The following USP9X variants were observed in gnomAD, a reference collection of about 807,000 sequenced individuals.
The protein encoded by USP9X is ubiquitin carboxyl-terminal hydrolase 9X.
A neutral mutation model predicts 190.3 loss-of-function variants in USP9X; 7 were observed. The observed-to-expected ratio is 0.04, with a 90% confidence interval of 0.02 to 0.07. The LOEUF is 0.07. Among genes scored for constraint, USP9X ranks in the 10% least tolerant of loss-of-function variants. The probability of loss-of-function intolerance (pLI) is 1.00; values close to 1 mark genes in which losing one functional copy is unlikely to be tolerated. For synonymous variants in USP9X, 645 were observed against 659.5 expected (o/e 0.98, Z 0.34); for missense variants, 1,010 against 1,916.9 (o/e 0.53, Z 8.83).
intron 32 of USP9X, among the ~76,000 whole-genome samples, chrX:41,206,487 C>T (rs1022109267): frequency 7.2e-5 from 8 of 110,990 alleles, no homozygotes; most frequent in Non-Finnish European, 1.1e-4. Context: ...ATGGGGGAAT[C>T]GGAGGACAAA....
rs753567750 is a variant in USP9X at position 41,216,171 on chromosome X, G to A, written c.5604G>A (p.Val1868=). 43 of 1,211,596 alleles carry A rather than the reference G, an allele frequency of 3.5e-5. No homozygotes were observed. The highest frequency in any genetic ancestry group is 4.8e-5 in the Non-Finnish European group (43 of 895,526). ...GCACAAAATACAGACTTGTGGGTGT[G>A]CTCGTACACAGTGGTCAAGCGAGTG... is the stretch of plus-strand genomic sequence containing the variant. ...AGSTKYRLVG[V]LVHSGQASGG... The change falls in exon 35 of 45, where the codon GTG becomes GTA. Residue 1868 remains valine, a synonymous_variant. Transcript: ENST00000378308.
intron 38 of USP9X, among the ~76,000 whole-genome samples, chrX:41,220,715 A>G (rs1009855617): frequency 9.0e-6 from 1 of 111,463 alleles, no homozygotes; most frequent in Non-Finnish European, 1.9e-5. Flanking sequence ...GCACTTTGGG[A>G]GGCCGAGGCA....
chrX:41,216,758 A>G (rs1347890740), intron 35 of USP9X, 106 bp downstream of exon 35: 37 of 940,518 alleles, frequency 3.9e-5, no homozygotes, highest in Non-Finnish European at 5.0e-5. Context: ...AATGAGTCTA[A>G]TTTGCTGGGT....
Position 41,183,931 on chromosome X carries a change from A to T in USP9X, c.3149-67A>T, listed in dbSNP as rs1206646834. ...ATTCCATATTAGTATGGTCTTCAAG[A>T]TATCAAAAGTTAAATATGTATGAAC... On this transcript the variant is annotated intron_variant, in intron 21 of 44. Transcript: ENST00000378308. 5 of 1,123,092 alleles carry T rather than the reference A, an allele frequency of 4.5e-6. No homozygotes were observed. The African/African-American group carries it at 9.2e-5, about 21-fold the overall frequency. 92.6% of individuals were successfully genotyped at this position (1,123,092 alleles called of 1,213,427 possible).
intron 26 of USP9X, chrX:41,195,796 G>A (rs2062979055): frequency 7.2e-6 from 2 of 278,262 alleles, no homozygotes; most frequent in Non-Finnish European, 1.4e-5. Context: ...TTGGCCTTCT[G>A]GCCTGGGGTT....
intron 26 of USP9X, among the ~76,000 whole-genome samples, chrX:41,195,046 C>CTTTCTTTTTTTTTT (rs1555928871): frequency 4.8e-5 from 5 of 104,686 alleles, no homozygotes; most frequent in Non-Finnish European, 9.7e-5. Context: ...TTTTTTCTTT[C>CTTTCTTTTTTTTTT]TTTTTTTTGG....
intron 1 of USP9X, among the ~76,000 whole-genome samples, chrX:41,120,916 G>T (rs1302666008): frequency 9.6e-6 from 1 of 104,454 alleles, no homozygotes; most frequent in Non-Finnish European, 1.9e-5. Context: ...TCATCTCACT[G>T]CTACCTCCGC....
At chrX:41,128,553 C>T (rs1462287477) in intron 2 of USP9X, among the ~76,000 whole-genome samples, 1 of 111,912 alleles carries the variant, frequency 8.9e-6, no homozygotes, top group African/African-American at 3.2e-5. Context: ...ATTTACAATG[C>T]AGTTGTCCCT....
At chrX:41,086,652 C>G (rs1292471020) in intron 1 of USP9X, among the ~76,000 whole-genome samples, 1 of 112,587 alleles carries the variant, frequency 8.9e-6, no homozygotes. Flanking sequence ...CCGCGATAAC[C>G]CGCAGTTTCT....
chrX:41,091,731 A>G (rs2061956473), intron 1 of USP9X, among the ~76,000 whole-genome samples: 1 of 111,916 alleles, frequency 8.9e-6, no homozygotes, highest in Admixed American at 9.5e-5. Flanking sequence ...CATTTTTCAG[A>G]TGAAAAAAAT....
intron 2 of USP9X, 67 bp downstream of exon 2, chrX:41,123,791 G>A: frequency 8.6e-6 from 9 of 1,046,126 alleles, no homozygotes; most frequent in Non-Finnish European, 1.2e-5. Flanking sequence ...ATCTGTAATC[G>A]CAGCACTTTG....
At chrX:41,143,766 G>C (rs1432989809) in intron 10 of USP9X, among the ~76,000 whole-genome samples, 1 of 111,702 alleles carries the variant, frequency 9.0e-6, no homozygotes, top group Non-Finnish European at 1.9e-5. Flanking sequence ...TTAATAGAAA[G>C]CAAAAACCTC....
chrX:41,137,835 C>T (rs2062388857), intron 6 of USP9X, among the ~76,000 whole-genome samples: 1 of 110,197 alleles, frequency 9.1e-6, no homozygotes, highest in Non-Finnish European at 1.9e-5. Context: ...TGGCAGTCTT[C>T]AAAATGAAAA....
intron 20 of USP9X, among the ~76,000 whole-genome samples, 177 bp downstream of exon 20, chrX:41,170,796 T>G (rs1034229433): frequency 8.9e-6 from 1 of 112,170 alleles, no homozygotes; most frequent in East Asian, 2.8e-4. Context: ...TGTAACACAG[T>G]TGGAATTTAA....
chrX:41,087,396 T>G (rs1260589693), intron 1 of USP9X, among the ~76,000 whole-genome samples: 3 of 112,390 alleles, frequency 2.7e-5, no homozygotes, highest in Non-Finnish European at 5.6e-5. Flanking sequence ...GCTTGGCTGG[T>G]TAGTACACTT....
In USP9X at chrX:41,101,548, TCAAA is replaced by T. The variant is rs200572478; in HGVS notation, c.-159+15442_-159+15445del. On this transcript the variant is annotated intron_variant, in intron 1 of 44. Coordinates refer to ENST00000378308, the MANE Select transcript of USP9X (RefSeq NM_001039591.3). ...TCACTGCAACCTCCACCTCCTGGGT[TCAAA>T]CAGTCTCCCTGCTTCAGCCTCCCTA... Among the ~76,000 whole-genome samples the T allele has an allele frequency of 2.5e-4, 28 of 111,408 alleles. No individual in the cohort carries two copies. In the East Asian group the frequency reaches 5.3e-3, roughly 21 times the overall value.
intron 23 of USP9X, among the ~76,000 whole-genome samples, chrX:41,185,516 T>C (rs778576822): frequency 1.3e-4 from 15 of 111,631 alleles, no homozygotes; most frequent in East Asian, 5.6e-4. Context: ...CTGGCGATAA[T>C]TCCTGAAGCT....
At chrX:41,196,858 A>G in intron 28 of USP9X, 120 bp downstream of exon 28, 1 of 574,668 alleles carries the variant, frequency 1.7e-6, no homozygotes, top group Non-Finnish European at 2.6e-6. Context: ...GATAAAAGGG[A>G]CCAAAGAATG....
At chrX:41,180,055 G>T in intron 21 of USP9X, among the ~76,000 whole-genome samples, 1 of 111,201 alleles carries the variant, frequency 9.0e-6, no homozygotes, top group East Asian at 2.8e-4. Context: ...TAAATATAGT[G>T]CAGTACACCA....
Sources: allele counts gnomAD v4.1 joint callset (sites outside exome capture counted in the v4.1 genomes callset), GRCh38; gene constraint gnomAD v4.1.1; transcripts MANE v1.5; gene names NCBI Gene and HGNC (gene_info 2026-07-23, HGNC 2026-07-21).